Variants in C11orf87 observed in about 807,000 individuals in gnomAD.
The protein encoded by C11orf87 is chromosome 11 open reading frame 87.
C11orf87 carries 3 observed loss-of-function variants against 9.2 expected under a neutral mutation model. The ratio of observed to expected loss-of-function variants is 0.33; its 90% CI spans 0.15 to 0.84. The LOEUF is 0.84. C11orf87 is among the 40% of genes least tolerant of loss of function. C11orf87 has a pLI of 0.55. For synonymous variants in C11orf87, 124 were observed against 124.6 expected, an observed-to-expected ratio of 1.00 and a Z score of 0.03; for missense variants, 256 against 270.7, an observed-to-expected ratio of 0.95 and a Z score of 0.38.
At position 109,424,236 on chromosome 11, in the gene C11orf87, C is replaced by A. The variant is rs772394477; in HGVS notation, c.*9C>A. Reference sequence around the variant, plus strand: ...CGGTGGTACTGTCCTGATCGTCTAGCCCCTCTCGTTCCCCGTCCTCGTTTC... The same window carrying A: ...CGGTGGTACTGTCCTGATCGTCTAGACCCTCTCGTTCCCCGTCCTCGTTTC... On this transcript the variant is annotated 3_prime_UTR_variant, in exon 2 of 2. Transcript: ENST00000327419. The surrounding 1 kb of genome is among the most constrained non-coding windows in gnomAD (Gnocchi z 4.7). 6.2e-7 allele frequency: 1 copy of A among 1,600,396 alleles called. No individual in the cohort carries two copies. The highest frequency in any genetic ancestry group is 2.2e-5 in the East Asian group (1 of 44,678).
chr11:109,428,218 TC>T lies in C11orf87; in HGVS notation c.*3992del, dbSNP rs1294072646. On this transcript the variant is annotated 3_prime_UTR_variant, in exon 2 of 2. Transcript: ENST00000327419. ...AACCTGGATTGTGGTTTGATTTTTT[TC>T]ATTTTCAACCTATATGTTGTGTAGA... is the stretch of plus-strand genomic sequence containing the variant. The T allele has an allele frequency of 6.6e-6, 1 of 152,204 alleles. No individual in the cohort carries two copies. The highest frequency in any genetic ancestry group is 1.5e-5 in the Non-Finnish European group (1 of 67,992). 9.4% of individuals were successfully genotyped at this position (152,204 alleles called of 1,614,324 possible).
rs1860565540 is a variant in C11orf87, at chr11:109,425,808, G to C, written c.*1581G>C. 1 of 152,330 alleles carries C rather than the reference G, an allele frequency of 6.6e-6. No homozygotes were observed. Among genetic ancestry groups the C allele is most frequent in the African/African-American group, 2.4e-5 (1 of 41,412 alleles). 9.4% of individuals were successfully genotyped at this position (152,330 alleles called of 1,614,324 possible). On this transcript the variant is annotated 3_prime_UTR_variant, in exon 2 of 2. Transcript: ENST00000327419. ...GGGGATGAGACTGGTGGGGATGTTG[G>C]GCAATTTGGATGATAAGACATGCGA...
Position 109,427,136 on chromosome 11 carries a change from A to G in C11orf87, c.*2909A>G, listed in dbSNP as rs1860583240. On this transcript the variant is annotated 3_prime_UTR_variant, in exon 2 of 2. Transcript: ENST00000327419. The stretch of plus-strand genomic sequence containing the variant: ...TGCAAGGAGCAAGAGAAATAAAAGC[A>G]TTATGTATATTGTAAAACAAATGAT... 1 of 152,206 alleles carries G rather than the reference A, an allele frequency of 6.6e-6. No individual in the cohort carries two copies. Among genetic ancestry groups the G allele is most frequent in the Admixed American group, 6.5e-5 (1 of 15,272 alleles). 9.4% of individuals were successfully genotyped at this position (152,206 alleles called of 1,614,324 possible).
rs376719669 is a variant in C11orf87 at position 109,423,816 on chromosome 11, G to A, written c.183G>A (p.Thr61=). 1.2e-6 allele frequency: 2 copies of A among 1,614,104 alleles called. No individual in the cohort carries two copies. Among genetic ancestry groups the A allele is most frequent in the Non-Finnish European group, 8.5e-7 (1 of 1,179,970 alleles). ...GQQLFQSFSS[T]LVLIVLVTLI... Reference sequence around the variant, plus strand: ...AGCTCTTCCAGTCCTTCTCCTCCACGCTGGTGCTGATTGTCCTGGTTACCC... The same window carrying A: ...AGCTCTTCCAGTCCTTCTCCTCCACACTGGTGCTGATTGTCCTGGTTACCC... The change falls in exon 2 of 2, where the codon ACG becomes ACA. Residue 61 remains threonine, a synonymous_variant. Coordinates refer to ENST00000327419, the MANE Select transcript of C11orf87 (RefSeq NM_207645.4). This position sits in a 1 kb window ranked among gnomAD's most constrained non-coding sequence, Gnocchi z 5.3.
Position 109,423,642 on chromosome 11 carries a change from C to T in C11orf87, c.9C>T (p.Ala3=). Residue 3 remains alanine (A), a synonymous_variant, in exon 2 of 2, where the codon GCC becomes GCT. Coordinates refer to ENST00000327419, the MANE Select transcript of C11orf87 (RefSeq NM_207645.4). This position sits in a 1 kb window ranked among gnomAD's most constrained non-coding sequence, Gnocchi z 5.3. ...CTCCCAGCCCCGCGCCAATGAGTGC[C>T]AGGGCGCCGAAGGAGCTGAGGCTGG... MS[A]RAPKELRLAL... is the part of the protein sequence containing the mutation. 6.3e-7 allele frequency: 1 copy of T among 1,599,598 alleles called. No homozygotes were observed. The highest frequency in any genetic ancestry group is 2.2e-5 in the East Asian group (1 of 44,744).
In C11orf87 at chr11:109,427,379, G is replaced by A. The variant is rs1860587852; in HGVS notation, c.*3152G>A. 2 of 152,056 alleles carry A rather than the reference G, an allele frequency of 1.3e-5. No homozygotes were observed. Among genetic ancestry groups the A allele is most frequent in the African/African-American group, 2.4e-5 (1 of 41,420 alleles). 9.4% of individuals were successfully genotyped at this position (152,056 alleles called of 1,614,324 possible). On this transcript the variant is annotated 3_prime_UTR_variant, in exon 2 of 2. Coordinates refer to ENST00000327419, the MANE Select transcript of C11orf87 (RefSeq NM_207645.4). ...ACTTGTGATTTTTTTATGAGATAGA[G>A]AATTACATGAAATTCTAGTAATCCA...
chr11:109,423,564 C>T lies in C11orf87; in HGVS notation c.-70C>T. 1 of 1,457,138 alleles carries T rather than the reference C, an allele frequency of 6.9e-7. No individual in the cohort carries two copies. The allele number at this position is 1,457,138 out of a possible 1,614,324, so 90.3% of individuals were successfully genotyped here. On this transcript the variant is annotated 5_prime_UTR_variant, in exon 2 of 2. Coordinates refer to ENST00000327419, the MANE Select transcript of C11orf87 (RefSeq NM_207645.4). The surrounding 1 kb of genome is among the most constrained non-coding windows in gnomAD (Gnocchi z 5.3). Reference sequence around the variant, plus strand: ...TGGGTGGCGTGGGCTCCGTCCTCTTCTTGGCTGGTAGGAACGGTGTGCCCA... The same window carrying T: ...TGGGTGGCGTGGGCTCCGTCCTCTTTTTGGCTGGTAGGAACGGTGTGCCCA...
Position 109,427,322 on chromosome 11 carries a change from A to G in C11orf87, c.*3095A>G, listed in dbSNP as rs370137304. The G allele has an allele frequency of 1.1e-4, 17 of 152,166 alleles. No homozygotes were observed. Among genetic ancestry groups the G allele is most frequent in the South Asian group, 2.1e-4 (1 of 4,830 alleles). The allele number at this position is 152,166 out of a possible 1,614,324, so 9.4% of individuals were successfully genotyped here. A position where few individuals can be genotyped will look rare whatever the true frequency, so the allele number is the denominator to read the frequency against. ...TGAGTCAGATTTCATACTGAGCTTA[A>G]TATACTCAAAACCTAAGCTTCCAGT... On this transcript the variant is annotated 3_prime_UTR_variant, in exon 2 of 2. Transcript: ENST00000327419.
At position 109,424,792 on chromosome 11, in the gene C11orf87, G is replaced by A. The variant is rs771833694; in HGVS notation, c.*565G>A. 14 of 166,932 alleles carry A rather than the reference G, an allele frequency of 8.4e-5. No individual in the cohort carries two copies. Among genetic ancestry groups the A allele is most frequent in the African/African-American group, 3.4e-4 (14 of 41,380 alleles). 10.3% of individuals were successfully genotyped at this position (166,932 alleles called of 1,614,324 possible). A position where few individuals can be genotyped will look rare whatever the true frequency, so the allele number is the denominator to read the frequency against. On this transcript the variant is annotated 3_prime_UTR_variant, in exon 2 of 2. Coordinates refer to ENST00000327419, the MANE Select transcript of C11orf87 (RefSeq NM_207645.4). This position sits in a 1 kb window ranked among gnomAD's most constrained non-coding sequence, Gnocchi z 4.7. ...GGCTCAGGCAATAGTATATTATAAA[G>A]AAAATGTCTACATTAAGCACCAGGA...
Position 109,423,657 on chromosome 11 carries a change from G to A in C11orf87, c.24G>A (p.Glu8=), listed in dbSNP as rs769498600. The stretch of plus-strand genomic sequence containing the variant: ...CAATGAGTGCCAGGGCGCCGAAGGA[G>A]CTGAGGCTGGCGTTGCCGCCGTGTC... The part of the protein sequence containing the change: MSARAPK[E]LRLALPPCLL... The change falls in exon 2 of 2, where the codon GAG becomes GAA. Residue 8 remains glutamate (E), a synonymous_variant. Coordinates refer to ENST00000327419, the MANE Select transcript of C11orf87 (RefSeq NM_207645.4). This position sits in a 1 kb window ranked among gnomAD's most constrained non-coding sequence, Gnocchi z 5.3. The A allele has an allele frequency of 2.5e-6, 4 of 1,604,212 alleles. No individual in the cohort carries two copies. The Admixed American group carries it at 5.0e-5, about 20-fold the overall frequency.
rs1245139517 is a variant in C11orf87, at chr11:109,423,426, A to G, written c.-208A>G. 1.7e-6 allele frequency: 1 copy of G among 585,456 alleles called. No homozygotes were observed. Among genetic ancestry groups the G allele is most frequent in the Non-Finnish European group, 3.0e-6 (1 of 332,754 alleles). The allele number at this position is 585,456 out of a possible 1,614,324, so 36.3% of individuals were successfully genotyped here. ...AGCGTGGAGACGTGTTCGAGGTGGT[A>G]TCGGCGAGGATCTCTCGGGCGCCGC... On this transcript the variant is annotated 5_prime_UTR_variant, in exon 2 of 2. Coordinates refer to ENST00000327419, the MANE Select transcript of C11orf87 (RefSeq NM_207645.4). This position sits in a 1 kb window ranked among gnomAD's most constrained non-coding sequence, Gnocchi z 5.3.
rs1356407605 is a variant in C11orf87 at position 109,427,370 on chromosome 11, TGA to T, written c.*3146_*3147del. On this transcript the variant is annotated 3_prime_UTR_variant, in exon 2 of 2. Coordinates refer to ENST00000327419, the MANE Select transcript of C11orf87 (RefSeq NM_207645.4). ...AGTGGTATTACTTGTGATTTTTTTATGAGATAGAGAATTACATGAAATTCTAG... is the reference window on the plus strand; with the variant it reads ...AGTGGTATTACTTGTGATTTTTTTATGATAGAGAATTACATGAAATTCTAG... The T allele has an allele frequency of 1.3e-5, 2 of 152,176 alleles. No homozygotes were observed. The highest frequency in any genetic ancestry group is 6.5e-5 in the Admixed American group (1 of 15,274). The allele number at this position is 152,176 out of a possible 1,614,324, so 9.4% of individuals were successfully genotyped here. A position where few individuals can be genotyped will look rare whatever the true frequency, so the allele number is the denominator to read the frequency against.
chr11:109,423,420 G>C lies in C11orf87; in HGVS notation c.-214G>C. On this transcript the variant is annotated 5_prime_UTR_variant, in exon 2 of 2. Transcript: ENST00000327419. This position sits in a 1 kb window ranked among gnomAD's most constrained non-coding sequence, Gnocchi z 5.3. ...AAGGGGAGCGTGGAGACGTGTTCGAGGTGGTATCGGCGAGGATCTCTCGGG... is the reference window on the plus strand; with the variant it reads ...AAGGGGAGCGTGGAGACGTGTTCGACGTGGTATCGGCGAGGATCTCTCGGG... 5.1e-6 allele frequency: 3 copies of C among 585,540 alleles called. No homozygotes were observed. Among genetic ancestry groups the C allele is most frequent in the South Asian group, 4.4e-5 (2 of 45,500 alleles). 36.3% of individuals were successfully genotyped at this position (585,540 alleles called of 1,614,324 possible). A position where few individuals can be genotyped will look rare whatever the true frequency, so the allele number is the denominator to read the frequency against.
rs575632112 is a variant in C11orf87 at position 109,425,272 on chromosome 11, A to T, written c.*1045A>T. The T allele has an allele frequency of 3.5e-4, 59 of 166,546 alleles. No homozygotes were observed. The highest frequency in any genetic ancestry group is 1.3e-3 in the African/African-American group (53 of 41,084). The allele number at this position is 166,546 out of a possible 1,614,324, so 10.3% of individuals were successfully genotyped here. ...TTTTCTTATTATTAAACATTGCATA[A>T]GTTACCTTTTTTGTAAAAAAAAAAA... On this transcript the variant is annotated 3_prime_UTR_variant, in exon 2 of 2. Transcript: ENST00000327419.
Sources: allele counts gnomAD v4.1 joint callset, GRCh38; gene constraint gnomAD v4.1.1; non-coding constraint Gnocchi (gnomAD v3.1); transcripts MANE v1.5; gene names NCBI Gene and HGNC (gene_info 2026-07-23, HGNC 2026-07-21).